TRPM2: variants seen among roughly 807,000 people sequenced by gnomAD.
TRPM2 encodes transient receptor potential cation channel subfamily M member 2, also known as estrogen-responsive element-associated gene 1 protein.
TRPM2 carries 161 observed loss-of-function variants against 174.0 expected under a neutral mutation model. The ratio of observed to expected loss-of-function variants is 0.93; its 90% CI spans 0.81 to 1.05. The LOEUF is 1.05. Among genes scored for constraint, TRPM2 ranks in the 50% least tolerant of loss-of-function variants. The pLI is 0.00. For missense variants in TRPM2, 2,057 were observed against 2,038.0 expected (o/e 1.01, Z -0.18); for synonymous variants, 954 against 861.3 (o/e 1.11, Z -1.88).
Position 44,375,898 on chromosome 21 carries a change from C to G in TRPM2, c.837C>G (p.Ser279Arg). 6.2e-7 allele frequency: 1 copy of G among 1,614,124 alleles called. No homozygotes were observed. Among genetic ancestry groups the G allele is most frequent in the Non-Finnish European group, 8.5e-7 (1 of 1,180,016 alleles). ...AAGGGAACCTGACCTGCCTAGACAGCAACCACTCTCACTTCATCCTCGTGG... is the reference window on the plus strand; with the variant it reads ...AAGGGAACCTGACCTGCCTAGACAGGAACCACTCTCACTTCATCCTCGTGG... ...DGQGNLTCLDSNHSHFILVDD... is the reference protein window; with the variant it reads ...DGQGNLTCLDRNHSHFILVDD... The change falls in exon 6 of 32, where the codon AGC becomes AGG. Residue 279 changes from serine (S) to arginine (R), a missense_variant. Physicochemically the swap from Ser to Arg is moderately radical, Grantham distance 110 (BLOSUM62 -1). Coordinates refer to ENST00000397928, the MANE Select transcript of TRPM2 (RefSeq NM_003307.4).
rs1475813451 is a variant in TRPM2 at position 44,439,243 on chromosome 21, G to T, written c.4269+75G>T. On this transcript the variant is annotated intron_variant, in intron 30 of 31. Coordinates refer to ENST00000397928, the MANE Select transcript of TRPM2 (RefSeq NM_003307.4). This position sits in a 1 kb window ranked among gnomAD's most constrained non-coding sequence, Gnocchi z 5.1. ...AGGACAAACACAGTGTGATACTGGG[G>T]ACCTGCCCCAGCACCACTGGGTGGC... The T allele has an allele frequency of 3.6e-6, 5 of 1,397,210 alleles. No individual in the cohort carries two copies. Among genetic ancestry groups the T allele is most frequent in the Non-Finnish European group, 4.0e-6 (4 of 994,038 alleles). 86.6% of individuals were successfully genotyped at this position (1,397,210 alleles called of 1,614,324 possible).
At chr21:44,369,138 C>T (rs1410847272) in intron 4 of TRPM2, 39 bp from the exon 5 acceptor site, 1 of 1,546,766 alleles carries the variant, frequency 6.5e-7, no homozygotes, top group Non-Finnish European at 8.7e-7. Flanking sequence ...AGGTGCCCCT[C>T]AGTGCTGTGG....
chr21:44,435,959 T>C (rs1488560309), intron 28 of TRPM2, among the ~76,000 whole-genome samples: 6 of 93,366 alleles, frequency 6.4e-5, no homozygotes, highest in South Asian at 3.9e-4. Flanking sequence ...CCCCTCAGAC[T>C]CACTCTCTAC....
At chr21:44,377,918 C>A (rs182877489) in intron 7 of TRPM2, 145 bp downstream of exon 7, 1 of 994,112 alleles carries the variant, frequency 1.0e-6, no homozygotes, top group African/African-American at 1.6e-5. Flanking sequence ...AGAGCATCTA[C>A]GCTGTGTCGG....
chr21:44,441,289 G>A (rs1353639497), intron 31 of TRPM2, among the ~76,000 whole-genome samples: 2 of 152,146 alleles, frequency 1.3e-5, no homozygotes, highest in African/African-American at 4.8e-5. Flanking sequence ...CCTCCAGGGA[G>A]GCCTCGAAGA....
intron 15 of TRPM2, among the ~76,000 whole-genome samples, chr21:44,400,882 C>G (rs2146278886): frequency 6.6e-6 from 1 of 152,326 alleles, no homozygotes; most frequent in Middle Eastern, 3.4e-3. Flanking sequence ...CAGAGGCTTG[C>G]TGGGGCGTTG....
intron 25 of TRPM2, among the ~76,000 whole-genome samples, chr21:44,426,185 C>G (rs1569106904): frequency 6.6e-6 from 1 of 151,858 alleles, no homozygotes; most frequent in East Asian, 1.9e-4. Flanking sequence ...GGCTCTGGCC[C>G]CTTTCCAGGT....
At position 44,426,788 on chromosome 21, in the gene TRPM2, C is replaced by T. The variant is rs764402312; in HGVS notation, c.3872+52C>T. On this transcript the variant is annotated intron_variant, in intron 26 of 31. Coordinates refer to ENST00000397928, the MANE Select transcript of TRPM2 (RefSeq NM_003307.4). ...CCAGCTGGCCCCAAACCCAGGGCCT[C>T]CTAGGGGCTCCCTTGAGAATCCCAG... is the stretch of plus-strand genomic sequence containing the variant. 1.9e-6 allele frequency: 3 copies of T among 1,593,058 alleles called. No homozygotes were observed. The African/African-American group carries it at 4.0e-5, about 21-fold the overall frequency.
chr21:44,404,599 G>A (rs28715834), intron 16 of TRPM2, among the ~76,000 whole-genome samples: 6,792 of 151,320 alleles, frequency 0.045, 428 homozygotes, highest in African/African-American at 0.14. Context: ...TTTGCTGACC[G>A]TGATGATAGT....
chr21:44,353,867 T>C lies in TRPM2; in HGVS notation c.165+2T>C, dbSNP rs1173947568. On this transcript the variant is annotated splice_donor_variant, in intron 1 of 31. Transcript: ENST00000397928. LOFTEE classifies it high-confidence loss of function. ...TGCCCCTTCGGCAACAATGACAAGG[T>C]AGGCTTTCTGCTGGTCAGCCTGCAG... 6.3e-7 allele frequency: 1 copy of C among 1,597,214 alleles called. No homozygotes were observed. Among genetic ancestry groups the C allele is most frequent in the Non-Finnish European group, 8.5e-7 (1 of 1,173,058 alleles).
chr21:44,379,310 G>C (rs759532425), intron 8 of TRPM2, 113 bp downstream of exon 8: 1 of 1,280,980 alleles, frequency 7.8e-7, no homozygotes, highest in Admixed American at 1.9e-5. Context: ...CACTGGGTCT[G>C]AGTGGGTGCC....
intron 22 of TRPM2, among the ~76,000 whole-genome samples, chr21:44,421,523 C>A (rs2050550287): frequency 6.6e-6 from 1 of 152,078 alleles, no homozygotes; most frequent in Non-Finnish European, 1.5e-5. Context: ...GTAATCCCAA[C>A]ATTTTGGGAG....
chr21:44,429,278 C>CTTTTTTTTTTTTTTTTTTT (rs35708355), intron 27 of TRPM2, among the ~76,000 whole-genome samples: 3 of 44,194 alleles, frequency 6.8e-5, no homozygotes, highest in Non-Finnish European at 1.2e-4. Flanking sequence ...TTTTCTTTTT[C>CTTTTTTTTTTTTTTTTTTT]TTTTTTTTTT....
In TRPM2 at chr21:44,418,559, T is replaced by G. The variant is rs779204827; in HGVS notation, c.3461+4T>G. ...AGATCGAGGACATCAGCAATAAGTA[T>G]GGGGGCTCCGGTGGGCCTGGGGGCG... is the stretch of plus-strand genomic sequence containing the variant. On this transcript the variant is annotated splice_donor_region_variant and intron_variant, in intron 22 of 31. Transcript: ENST00000397928. 1 of 1,613,690 alleles carries G rather than the reference T, an allele frequency of 6.2e-7. No homozygotes were observed. The highest frequency in any genetic ancestry group is 8.5e-7 in the Non-Finnish European group (1 of 1,179,840).
chr21:44,397,887 C>T lies in TRPM2; in HGVS notation c.2062+11C>T. On this transcript the variant is annotated intron_variant, in intron 13 of 31. Coordinates refer to ENST00000397928, the MANE Select transcript of TRPM2 (RefSeq NM_003307.4). ...AGCACAGAGCCATCGGTGAGCTCTG[C>T]CGGGCACGGGCTGCAGGCCATGGCT... The T allele has an allele frequency of 6.3e-7, 1 of 1,586,914 alleles. No homozygotes were observed. Among genetic ancestry groups the T allele is most frequent in the African/African-American group, 1.3e-5 (1 of 74,224 alleles).
chr21:44,395,356 G>T (rs1458701645), intron 11 of TRPM2, 58 bp from the exon 12 acceptor site: 7 of 1,589,028 alleles, frequency 4.4e-6, no homozygotes, highest in Non-Finnish European at 4.3e-6. Context: ...GACAGGCTCC[G>T]CCAGTGACTC....
rs377577767 is a variant in TRPM2 at position 44,366,721 on chromosome 21, C to T, written c.424-33C>T. The T allele has an allele frequency of 1.5e-5, 24 of 1,612,916 alleles. No homozygotes were observed. Among genetic ancestry groups the T allele is most frequent in the Non-Finnish European group, 1.9e-5 (22 of 1,179,876 alleles). On this transcript the variant is annotated intron_variant, in intron 3 of 31. Coordinates refer to ENST00000397928, the MANE Select transcript of TRPM2 (RefSeq NM_003307.4). This position sits in a 1 kb window ranked among gnomAD's most constrained non-coding sequence, Gnocchi z 6.0. ...GGTGCTGTCCCTGACCACTGACACA[C>T]AGGTTCCCTCCGCCGTTTTCCCTTT...
At chr21:44,388,650 CAA>C (rs60322957) in intron 9 of TRPM2, among the ~76,000 whole-genome samples, 3,439 of 82,972 alleles carry the variant, frequency 0.041, 56 homozygotes, top group African/African-American at 0.1. Context: ...CCTGTCACTA[CAA>C]AAAAAAAAAA....
intron 20 of TRPM2, 38 bp from the exon 21 acceptor site, chr21:44,417,889 A>T (rs757972818): frequency 1.3e-6 from 2 of 1,592,498 alleles, no homozygotes; most frequent in East Asian, 4.5e-5. Context: ...CTGGGTAAAC[A>T]CCCTGACCTC....
Sources: gnomAD v4.1 joint callset for allele counts (sites outside exome capture counted in the v4.1 genomes callset) on GRCh38, gnomAD v4.1.1 for gene constraint, Gnocchi (gnomAD v3.1) non-coding constraint, MANE v1.5 for transcripts, NCBI Gene and HGNC (gene_info 2026-07-23, HGNC 2026-07-21) for gene names.